The following KCNIP4 variants were observed in gnomAD, a reference collection of about 807,000 sequenced individuals.
The protein encoded by KCNIP4 is Kv channel-interacting protein 4.
KCNIP4 carries 12 observed loss-of-function variants against 34.0 expected under a neutral mutation model. That is an observed-to-expected ratio of 0.35 (90% CI 0.23 to 0.57). The LOEUF is 0.57. KCNIP4 is among the 20% of genes least tolerant of loss of function. The probability of loss-of-function intolerance (pLI) is 0.83; values close to 1 mark genes in which losing one functional copy is unlikely to be tolerated. For missense variants in KCNIP4, 238 were observed against 311.7 expected, an observed-to-expected ratio of 0.76 and a Z score of 1.78; for synonymous variants, 124 against 102.2, an observed-to-expected ratio of 1.21 and a Z score of -1.29.
intron 3 of KCNIP4, among the ~76,000 whole-genome samples, chr4:20,840,652 ATAAAT>A (rs1719611244): frequency 1.3e-5 from 2 of 152,218 alleles, no homozygotes; most frequent in Non-Finnish European, 2.9e-5. Flanking sequence ...AGTGTCCTCA[ATAAAT>A]GAGTTGAACA....
intron 1 of KCNIP4, among the ~76,000 whole-genome samples, chr4:20,960,100 A>G (rs1270304696): frequency 6.6e-6 from 1 of 152,166 alleles, no homozygotes; most frequent in Non-Finnish European, 1.5e-5. Context: ...TATTTTTTGC[A>G]TATTTCTTCC....
intron 1 of KCNIP4, among the ~76,000 whole-genome samples, chr4:21,011,492 A>G (rs1056163133): frequency 1.3e-5 from 2 of 152,242 alleles, no homozygotes; most frequent in Non-Finnish European, 2.9e-5. Flanking sequence ...TAGCATTTCA[A>G]CAGCTTTGCA....
At chr4:20,808,673 C>T (rs1292602549) in intron 3 of KCNIP4, among the ~76,000 whole-genome samples, 1 of 152,278 alleles carries the variant, frequency 6.6e-6, no homozygotes, top group East Asian at 1.9e-4. Context: ...GAAACCCACC[C>T]TTGCCCTTTG....
intron 1 of KCNIP4, among the ~76,000 whole-genome samples, chr4:21,443,418 C>G (rs555524074): frequency 6.6e-6 from 1 of 152,106 alleles, no homozygotes; most frequent in Admixed American, 6.5e-5. Flanking sequence ...TTCAACATAT[C>G]TAGGCAATGT....
chr4:20,895,777 T>G (rs2149543722), intron 1 of KCNIP4, among the ~76,000 whole-genome samples: 1 of 152,330 alleles, frequency 6.6e-6, no homozygotes, highest in African/African-American at 2.4e-5. Flanking sequence ...CCATGATTGC[T>G]CATTAGAATC....
intron 1 of KCNIP4, among the ~76,000 whole-genome samples, chr4:21,115,689 ATTTT>A (rs147792765): frequency 1.3e-5 from 2 of 152,156 alleles, no homozygotes; most frequent in Non-Finnish European, 2.9e-5. Flanking sequence ...GATAAATTGG[ATTTT>A]TAGCCTTTGG....
At chr4:20,872,615 T>A (rs1029763044) in intron 2 of KCNIP4, among the ~76,000 whole-genome samples, 1 of 152,112 alleles carries the variant, frequency 6.6e-6, no homozygotes, top group Non-Finnish European at 1.5e-5. Flanking sequence ...TTTAGGCCAA[T>A]GAAAATGGAA....
At chr4:21,585,515 CTG>C (rs1300566696) in intron 1 of KCNIP4, among the ~76,000 whole-genome samples, 1 of 152,086 alleles carries the variant, frequency 6.6e-6, no homozygotes, top group Non-Finnish European at 1.5e-5. Context: ...ATATATTTCA[CTG>C]TGTCATGAGA....
At chr4:21,551,929 C>A (rs1297488287) in intron 1 of KCNIP4, among the ~76,000 whole-genome samples, 1 of 151,634 alleles carries the variant, frequency 6.6e-6, no homozygotes, top group Non-Finnish European at 1.5e-5. Context: ...ATACTCCAAG[C>A]AAGTTTTTCC....
chr4:21,941,137 T>C (rs980986602), intron 1 of KCNIP4, among the ~76,000 whole-genome samples: 1 of 152,170 alleles, frequency 6.6e-6, no homozygotes, highest in African/African-American at 2.4e-5. Context: ...GAGATGTAGA[T>C]CGGTTTAAGA....
At chr4:21,445,241 C>T (rs1233093044) in intron 1 of KCNIP4, among the ~76,000 whole-genome samples, 2 of 152,184 alleles carry the variant, frequency 1.3e-5, no homozygotes, top group Admixed American at 1.3e-4. Context: ...ATCAAGCTAC[C>T]AATGACTTTC....
chr4:21,640,986 G>C (rs1029242135), intron 1 of KCNIP4, among the ~76,000 whole-genome samples: 1 of 152,178 alleles, frequency 6.6e-6, no homozygotes, highest in Non-Finnish European at 1.5e-5. Context: ...TTGAGAAACT[G>C]CTTTTGGTCT....
rs12651005 is a variant in KCNIP4 at position 20,821,631 on chromosome 4, C to A, written c.288+28912G>T. On this transcript the variant is annotated intron_variant, in intron 3 of 8. Coordinates refer to ENST00000382152, the MANE Select transcript of KCNIP4 (RefSeq NM_025221.6). ...ATATGTAGCCTTTGATCTCTCACCC[C>A]CTCCCACCCTTTCCCCACAAGCCCC... is the stretch of plus-strand genomic sequence containing the variant. 9.9e-5 allele frequency among the ~76,000 whole-genome samples: 15 copies of A among 152,096 alleles called. No homozygotes were observed. In the South Asian group the frequency reaches 1.9e-3, roughly 19 times the overall value.
intron 1 of KCNIP4, among the ~76,000 whole-genome samples, chr4:21,585,264 C>G (rs2109080983): frequency 6.6e-6 from 1 of 152,102 alleles, no homozygotes; most frequent in Middle Eastern, 3.4e-3. Flanking sequence ...GCTGCATGCC[C>G]ACTTCCCAAG....
chr4:21,737,488 T>C (rs112748344), intron 1 of KCNIP4, among the ~76,000 whole-genome samples: 1,816 of 152,272 alleles, frequency 0.012, 39 homozygotes, highest in African/African-American at 0.041. Flanking sequence ...GCAAACTTTC[T>C]CTTTGACAAA....
chr4:20,764,272 T>C (rs1755199793), intron 3 of KCNIP4, among the ~76,000 whole-genome samples: 1 of 152,068 alleles, frequency 6.6e-6, no homozygotes, highest in Non-Finnish European at 1.5e-5. Context: ...ATATATACCG[T>C]AGAAATAAAG....
chr4:20,804,769 AG>A (rs1714849028), intron 3 of KCNIP4, among the ~76,000 whole-genome samples: 1 of 152,240 alleles, frequency 6.6e-6, no homozygotes, highest in South Asian at 2.1e-4. Context: ...ACAATTAACA[AG>A]AAGAGCAGGT....
At chr4:21,469,517 G>C (rs971183951) in intron 1 of KCNIP4, among the ~76,000 whole-genome samples, 1 of 152,014 alleles carries the variant, frequency 6.6e-6, no homozygotes, top group African/African-American at 2.4e-5. Flanking sequence ...ATGATTACAA[G>C]CATCTTTTAA....
intron 1 of KCNIP4, among the ~76,000 whole-genome samples, chr4:21,275,912 G>T (rs1342946437): frequency 6.6e-6 from 1 of 152,038 alleles, no homozygotes; most frequent in East Asian, 1.9e-4. Flanking sequence ...ATTGTCTTGG[G>T]CCAGACATAA....
Sources: gnomAD v4.1 joint callset for allele counts (sites outside exome capture counted in the v4.1 genomes callset) on GRCh38, gnomAD v4.1.1 for gene constraint, MANE v1.5 for transcripts, NCBI Gene and HGNC (gene_info 2026-07-23, HGNC 2026-07-21) for gene names.